OTUD4: variants seen among roughly 807,000 people sequenced by gnomAD.
OTUD4 encodes the protein OTU deubiquitinase 4.
In OTUD4, 24 loss-of-function variants were observed where a neutral mutation model predicts 130.4. The ratio of observed to expected loss-of-function variants is 0.18; its 90% CI spans 0.13 to 0.26. The LOEUF (loss-of-function observed/expected upper bound fraction) is 0.26. OTUD4 is among the 10% of genes least tolerant of loss of function. OTUD4 has a pLI of 1.00. For synonymous variants in OTUD4, 420 were observed against 472.5 expected (o/e 0.89, Z 1.44); for missense variants, 1,031 against 1,329.4 (o/e 0.78, Z 3.49).
chr4:145,179,763 G>GC, intron 1 of OTUD4, 52 bp downstream of exon 1: 1 of 702,246 alleles, frequency 1.4e-6, no homozygotes, highest in Non-Finnish European at 2.0e-6. Context: ...ACCCAGACCC[G>GC]CCGGGCCGTC....
At chr4:145,165,476 T>C (rs1047937412) in intron 3 of OTUD4, among the ~76,000 whole-genome samples, 2 of 152,120 alleles carry the variant, frequency 1.3e-5, no homozygotes, top group African/African-American at 2.4e-5. Flanking sequence ...ATCTGTTAAG[T>C]TGAGACTTTT....
chr4:145,150,769 T>A, intron 12 of OTUD4, 33 bp downstream of exon 12: 1 of 1,608,390 alleles, frequency 6.2e-7, no homozygotes, highest in African/African-American at 1.3e-5. Context: ...ATCATCCCAA[T>A]CCCAAAGGAA....
Position 145,134,421 on chromosome 4 carries a change from T to C in OTUD4, c.*3009A>G. The C allele has an allele frequency of 3.1e-6, 1 of 325,786 alleles. No individual in the cohort carries two copies. The highest frequency in any genetic ancestry group is 4.7e-5 in the East Asian group (1 of 21,390). The allele number at this position is 325,786 out of a possible 1,614,324, so 20.2% of individuals were successfully genotyped here. The stretch of plus-strand genomic sequence containing the variant: ...AAGAGGCAAAAATAAATATTGCTAG[T>C]TTCTAGGATGGCTGAATGTTTTCTA... On this transcript the variant is annotated 3_prime_UTR_variant, in exon 21 of 21. Coordinates refer to ENST00000447906, the MANE Select transcript of OTUD4 (RefSeq NM_001366057.1).
rs752163247 is a variant in OTUD4, at chr4:145,139,844, T to A, written c.2124+107A>T. 3.4e-4 allele frequency: 151 copies of A among 443,652 alleles called. 1 individual carries two copies. The highest frequency in any genetic ancestry group is 4.0e-4 in the Non-Finnish European group (96 of 242,808). 27.5% of individuals were successfully genotyped at this position (443,652 alleles called of 1,614,324 possible). ...ATGCTGGTTTTTAAAATGATGAGAT[T>A]TAGTAAACTTTAGGTTACTGACTGA... On this transcript the variant is annotated intron_variant, in intron 20 of 20. Transcript: ENST00000447906.
chr4:145,143,939 C>G lies in OTUD4; in HGVS notation c.1602+7G>C, dbSNP rs753265896. On this transcript the variant is annotated splice_region_variant and intron_variant, in intron 16 of 20. Transcript: ENST00000447906. ...GAAAAGATGCAAGTAGTGTTTAAAA[C>G]TTTTACCTCCAATGTGCTTGGTTCG... is the stretch of plus-strand genomic sequence containing the variant. The G allele has an allele frequency of 6.2e-7, 1 of 1,606,528 alleles. No individual in the cohort carries two copies. The highest frequency in any genetic ancestry group is 1.7e-5 in the Admixed American group (1 of 60,010).
chr4:145,165,455 C>G (rs920890125), intron 3 of OTUD4, among the ~76,000 whole-genome samples: 1 of 151,990 alleles, frequency 6.6e-6, no homozygotes, highest in African/African-American at 2.4e-5. Flanking sequence ...GTGGCAAGAC[C>G]ACAGCATGGC....
intron 3 of OTUD4, 93 bp downstream of exon 3, chr4:145,171,577 A>G: frequency 2.9e-6 from 2 of 683,764 alleles, no homozygotes; most frequent in Non-Finnish European, 5.2e-6. Flanking sequence ...CAACTCCTCT[A>G]TACACTGTAA....
At chr4:145,140,034 G>A in intron 19 of OTUD4, 43 bp from the exon 20 acceptor site, 1 of 619,828 alleles carries the variant, frequency 1.6e-6, no homozygotes, top group Non-Finnish European at 2.8e-6. Context: ...TATATCTGCA[G>A]AGATTTTTTT....
rs1174079615 is a variant in OTUD4, at chr4:145,135,314, A to C, written c.*2116T>G. 6.5e-6 allele frequency: 1 copy of C among 153,364 alleles called. No homozygotes were observed. The highest frequency in any genetic ancestry group is 1.5e-5 in the Non-Finnish European group (1 of 68,884). The allele number at this position is 153,364 out of a possible 1,614,324, so 9.5% of individuals were successfully genotyped here. A position where few individuals can be genotyped will look rare whatever the true frequency, so the allele number is the denominator to read the frequency against. Reference sequence around the variant, plus strand: ...ATTGAGGTAAGACAAAGTGACAATGAAGATATGAGTAGTATTTCCTTCCAA... The same window carrying C: ...ATTGAGGTAAGACAAAGTGACAATGCAGATATGAGTAGTATTTCCTTCCAA... On this transcript the variant is annotated 3_prime_UTR_variant, in exon 21 of 21. Coordinates refer to ENST00000447906, the MANE Select transcript of OTUD4 (RefSeq NM_001366057.1).
In OTUD4 at chr4:145,138,464, G is replaced by C. The variant is rs1364863287; in HGVS notation, c.2311C>G (p.Gln771Glu). 6.2e-7 allele frequency: 1 copy of C among 1,614,096 alleles called. No homozygotes were observed. The highest frequency in any genetic ancestry group is 8.5e-7 in the Non-Finnish European group (1 of 1,179,966). The change falls in exon 21 of 21, where the codon CAG (glutamine) becomes GAG (glutamate). Residue 771 changes from glutamine (Q) to glutamate (E), a missense_variant. Physicochemically the swap from Gln to Glu is conservative, Grantham distance 29. Coordinates refer to ENST00000447906, the MANE Select transcript of OTUD4 (RefSeq NM_001366057.1). ...CTCTDAHFPM[Q>E]TEASVNGQMP... ...TGACCATTAACACTGGCCTCAGTCT[G>C]CATAGGAAAGTGGGCATCAGTACAG... is the stretch of plus-strand genomic sequence containing the variant.
At chr4:145,169,749 G>A (rs1208535088) in intron 3 of OTUD4, among the ~76,000 whole-genome samples, 2 of 152,202 alleles carry the variant, frequency 1.3e-5, no homozygotes. Context: ...CGGGATTACA[G>A]GCACGAGCCA....
At position 145,176,941 on chromosome 4, in the gene OTUD4, T is replaced by C. The variant is rs139026538; in HGVS notation, c.160-2197A>G. Among the ~76,000 whole-genome samples, 11 of 152,368 alleles carry C rather than the reference T, an allele frequency of 7.2e-5. No individual in the cohort carries two copies. The East Asian group carries it at 1.5e-3, about 21-fold the overall frequency. On this transcript the variant is annotated intron_variant, in intron 1 of 20. Transcript: ENST00000447906. ...ATTAGTTTGTTTTCAGTGTAATAAC[T>C]GGTTTTCAGTTTAACTGATTCTACC... is the stretch of plus-strand genomic sequence containing the variant.
At chr4:145,140,096 T>C in intron 19 of OTUD4, 105 bp from the exon 20 acceptor site, 1 of 416,072 alleles carries the variant, frequency 2.4e-6, no homozygotes, top group South Asian at 2.7e-5. Flanking sequence ...CCTACTATAA[T>C]TGTCTTCTCT....
chr4:145,138,163 A>T lies in OTUD4; in HGVS notation c.2612T>A (p.Ile871Lys). The T allele has an allele frequency of 6.2e-7, 1 of 1,614,020 alleles. No individual in the cohort carries two copies. The highest frequency in any genetic ancestry group is 8.5e-7 in the Non-Finnish European group (1 of 1,179,876). ...VWYGYPFQGFIENPVMRQNIV... is the reference protein window; with the variant it reads ...VWYGYPFQGFKENPVMRQNIV... The stretch of plus-strand genomic sequence containing the variant: ...ATTCTGCCTCATTACTGGATTTTCT[A>T]TGAATCCCTGAAAAGGGTACCCATA... Residue 871 changes from isoleucine to lysine, a missense_variant, in exon 21 of 21, where the codon ATA (isoleucine) becomes AAA (lysine). Around this residue, in one of 3 missense-constraint regions of OTUD4, gnomAD observed 900 missense variants for 1,095.9 expected, o/e 0.82. Coordinates refer to ENST00000447906, the MANE Select transcript of OTUD4 (RefSeq NM_001366057.1).
intron 4 of OTUD4, 88 bp downstream of exon 4, chr4:145,165,063 A>T (rs550432527): frequency 1.7e-5 from 12 of 691,638 alleles, no homozygotes; most frequent in African/African-American, 1.6e-4. Flanking sequence ...AGTATAAAAG[A>T]GCTTTGCTAT....
chr4:145,146,509 A>T, intron 13 of OTUD4, 80 bp from the exon 14 acceptor site: 1 of 953,110 alleles, frequency 1.0e-6, no homozygotes, highest in Non-Finnish European at 1.5e-6. Flanking sequence ...GTCAAAAAAA[A>T]AAAACACAAA....
At chr4:145,157,341 T>C (rs1278295171) in intron 7 of OTUD4, among the ~76,000 whole-genome samples, 13 of 152,172 alleles carry the variant, frequency 8.5e-5, no homozygotes, top group East Asian at 1.9e-4. Context: ...AATTGAATCA[T>C]GTGGGTGGTT....
chr4:145,150,504 G>T lies in OTUD4; in HGVS notation c.1259+9C>A. 1 of 1,572,016 alleles carries T rather than the reference G, an allele frequency of 6.4e-7. No homozygotes were observed. The highest frequency in any genetic ancestry group is 2.3e-5 in the East Asian group (1 of 44,026). On this transcript the variant is annotated intron_variant, in intron 13 of 20. Transcript: ENST00000447906. ...ATTTCTATACTTCTCTTACATTCAA[G>T]AAGGTTACCTTATGATCTGTGAAGG...
intron 19 of OTUD4, among the ~76,000 whole-genome samples, chr4:145,140,306 G>A (rs889982106): frequency 1.3e-5 from 2 of 152,064 alleles, no homozygotes; most frequent in Non-Finnish European, 2.9e-5. Context: ...CAACTTTTCT[G>A]GGGGTTTAAA....
Sources: allele counts gnomAD v4.1 joint callset (sites outside exome capture counted in the v4.1 genomes callset), GRCh38; gene constraint gnomAD v4.1.1; regional missense constraint gnomAD v4.1.1; transcripts MANE v1.5; gene names NCBI Gene and HGNC (gene_info 2026-07-23, HGNC 2026-07-21).